Variants in ANKRD31 observed in about 807,000 individuals in gnomAD.
ANKRD31 encodes the protein ankyrin repeat domain 31, also known as ankyrin repeat domain-containing protein 31.
In ANKRD31, 147 loss-of-function variants were observed where a neutral mutation model predicts 186.0. That is an observed-to-expected ratio of 0.79 (90% CI 0.69 to 0.91). ANKRD31 has a LOEUF of 0.91. ANKRD31 is among the 40% of genes least tolerant of loss of function. The probability of loss-of-function intolerance (pLI) is 0.00; values close to 1 mark genes in which losing one functional copy is unlikely to be tolerated. For synonymous variants in ANKRD31, 673 were observed against 736.4 expected (o/e 0.91, Z 1.39); for missense variants, 1,986 against 2,148.8 (o/e 0.92, Z 1.50).
intron 25 of ANKRD31, among the ~76,000 whole-genome samples, chr5:75,070,474 T>C (rs1026546580): frequency 3.3e-5 from 5 of 152,206 alleles, no homozygotes; most frequent in East Asian, 1.9e-4. Flanking sequence ...TTCTATAGGA[T>C]TGATACTCAG....
chr5:75,074,012 C>A (rs1744435515), intron 25 of ANKRD31, among the ~76,000 whole-genome samples: 1 of 152,146 alleles, frequency 6.6e-6, no homozygotes, highest in Non-Finnish European at 1.5e-5. Context: ...TTTTAGTATT[C>A]TACAGGCATG....
chr5:75,187,117 TG>T (rs1754785382), intron 10 of ANKRD31, among the ~76,000 whole-genome samples: 1 of 108,130 alleles, frequency 9.2e-6, no homozygotes, highest in Non-Finnish European at 2.2e-5. Context: ...GTTTTGTGTG[TG>T]TGTGTGTGTG....
At chr5:75,178,822 G>C (rs1754034132) in intron 10 of ANKRD31, among the ~76,000 whole-genome samples, 1 of 152,130 alleles carries the variant, frequency 6.6e-6, no homozygotes, top group South Asian at 2.1e-4. Context: ...ACAATTCAAA[G>C]AACTAGAGAA....
intron 10 of ANKRD31, among the ~76,000 whole-genome samples, chr5:75,181,941 A>T (rs911298392): frequency 5.9e-5 from 9 of 151,904 alleles, no homozygotes; most frequent in Non-Finnish European, 1.0e-4. Flanking sequence ...CAAAAAAAAT[A>T]AAAAATAAAA....
At chr5:75,097,153 A>T (rs1746398040) in intron 22 of ANKRD31, among the ~76,000 whole-genome samples, 1 of 152,228 alleles carries the variant, frequency 6.6e-6, no homozygotes, top group African/African-American at 2.4e-5. Flanking sequence ...AGCATGATTT[A>T]TAATCCTTTG....
chr5:75,158,659 G>C (rs1752363286), intron 11 of ANKRD31, among the ~76,000 whole-genome samples: 1 of 152,042 alleles, frequency 6.6e-6, no homozygotes, highest in South Asian at 2.1e-4. Flanking sequence ...GGGTGTGGTG[G>C]TGCATGCCTA....
chr5:75,183,307 T>TA (rs1754461015), intron 10 of ANKRD31, among the ~76,000 whole-genome samples: 2 of 152,162 alleles, frequency 1.3e-5, no homozygotes, highest in African/African-American at 4.8e-5. Flanking sequence ...CATAGCTACC[T>TA]TCATATGAAA....
chr5:75,194,508 T>C (rs1755325697), intron 7 of ANKRD31, among the ~76,000 whole-genome samples: 1 of 152,284 alleles, frequency 6.6e-6, no homozygotes, highest in African/African-American at 2.4e-5. Flanking sequence ...GTCCCAGGTA[T>C]GTATGCTGCA....
intron 22 of ANKRD31, among the ~76,000 whole-genome samples, chr5:75,097,394 A>T (rs1452226336): frequency 6.6e-6 from 1 of 151,928 alleles, no homozygotes; most frequent in African/African-American, 2.4e-5. Context: ...TTTGATTTTC[A>T]TTTCTCTGAT....
chr5:75,205,097 C>T (rs2150272132), intron 5 of ANKRD31, among the ~76,000 whole-genome samples: 1 of 152,280 alleles, frequency 6.6e-6, no homozygotes, highest in South Asian at 2.1e-4. Flanking sequence ...AACTCTTAGG[C>T]TCAAGCAATC....
At chr5:75,213,871 T>C (rs2150293106) in intron 3 of ANKRD31, among the ~76,000 whole-genome samples, 1 of 152,088 alleles carries the variant, frequency 6.6e-6, no homozygotes, top group African/African-American at 2.4e-5. Context: ...GGGAGTGGAG[T>C]GGAAGAAGTC....
chr5:75,100,052 G>T (rs1259999499), intron 22 of ANKRD31, among the ~76,000 whole-genome samples: 3 of 151,960 alleles, frequency 2.0e-5, no homozygotes, highest in Admixed American at 6.6e-5. Flanking sequence ...TTTCTCTTGT[G>T]GGCATTTAGT....
At chr5:75,101,754 C>T (rs1479795082) in intron 22 of ANKRD31, among the ~76,000 whole-genome samples, 5 of 152,158 alleles carry the variant, frequency 3.3e-5, no homozygotes, top group Non-Finnish European at 5.9e-5. Context: ...ACGTAGTTCT[C>T]GTGCCATGGT....
Position 75,213,150 on chromosome 5 carries a change from G to C in ANKRD31, c.289-2285C>G, listed in dbSNP as rs989531428. On this transcript the variant is annotated intron_variant, in intron 3 of 25. Coordinates refer to ENST00000506364, the MANE Select transcript of ANKRD31 (RefSeq NM_001372053.1). The stretch of plus-strand genomic sequence containing the variant: ...CAAGCAGGCTTTACAGAGCTCAGAG[G>C]CCAAAGATAAGAAATGTCGAGAGAC... Among the ~76,000 whole-genome samples, 5 of 152,078 alleles carry C rather than the reference G, an allele frequency of 3.3e-5. No individual in the cohort carries two copies. In the South Asian group the frequency reaches 1.0e-3, roughly 32 times the overall value.
intron 12 of ANKRD31, among the ~76,000 whole-genome samples, chr5:75,152,524 G>A (rs1287092797): frequency 6.6e-6 from 1 of 152,000 alleles, no homozygotes; most frequent in African/African-American, 2.4e-5. Context: ...GAAAATATCT[G>A]TTGGGGATTT....
chr5:75,104,427 T>C lies in ANKRD31; in HGVS notation c.5132A>G (p.Tyr1711Cys). ...GSDTVHQMKP[Y>C]LKKSVSVVPC... Reference sequence around the variant, plus strand: ...AACAACAGAAACTGATTTTTTAAGATATGGTTTCATCTGATGCACTGTATC... The same window carrying C: ...AACAACAGAAACTGATTTTTTAAGACATGGTTTCATCTGATGCACTGTATC... Residue 1711 changes from tyrosine (Y) to cysteine (C), a missense_variant, in exon 22 of 26, where the codon TAT (tyrosine) becomes TGT (cysteine). Coordinates refer to ENST00000506364, the MANE Select transcript of ANKRD31 (RefSeq NM_001372053.1). The C allele has an allele frequency of 6.5e-7, 1 of 1,537,234 alleles. No homozygotes were observed. Among genetic ancestry groups the C allele is most frequent in the Non-Finnish European group, 8.7e-7 (1 of 1,146,912 alleles).
At chr5:75,220,417 A>G (rs986795387) in intron 3 of ANKRD31, among the ~76,000 whole-genome samples, 1 of 152,114 alleles carries the variant, frequency 6.6e-6, no homozygotes, top group Non-Finnish European at 1.5e-5. Flanking sequence ...AGGCGGGTGG[A>G]TCACCTGAGG....
At chr5:75,121,768 G>T (rs538186397) in intron 17 of ANKRD31, among the ~76,000 whole-genome samples, 1 of 152,010 alleles carries the variant, frequency 6.6e-6, no homozygotes, top group Non-Finnish European at 1.5e-5. Context: ...AAATGAAAAT[G>T]GAGTCAGAAT....
chr5:75,099,249 G>A (rs554073893), intron 22 of ANKRD31, among the ~76,000 whole-genome samples: 8 of 152,280 alleles, frequency 5.3e-5, no homozygotes, highest in Non-Finnish European at 4.4e-5. Flanking sequence ...ATTTGCGTAT[G>A]TTGAACCAGC....
Sources: gnomAD v4.1 joint callset for allele counts (sites outside exome capture counted in the v4.1 genomes callset) on GRCh38, gnomAD v4.1.1 for gene constraint, MANE v1.5 for transcripts, NCBI Gene and HGNC (gene_info 2026-07-23, HGNC 2026-07-21) for gene names.